TPM3: variants seen among roughly 807,000 people sequenced by gnomAD.
TPM3 encodes the protein tropomyosin alpha-3 chain.
A neutral mutation model predicts 43.1 loss-of-function variants in TPM3; 16 were observed. The ratio of observed to expected loss-of-function variants is 0.37; its 90% CI spans 0.25 to 0.56. TPM3 has a LOEUF of 0.56. Among genes scored for constraint, TPM3 ranks in the 20% least tolerant of loss-of-function variants. The pLI, the probability that TPM3 is intolerant of heterozygous loss-of-function variation, is 0.77. For missense variants in TPM3, 176 were observed against 337.2 expected, an observed-to-expected ratio of 0.52 and a Z score of 3.74; for synonymous variants, 101 against 116.9, an observed-to-expected ratio of 0.86 and a Z score of 0.88.
rs1661048793 is a variant in TPM3 at position 154,166,943 on chromosome 1, A to G, written c.*994T>C. Among the ~76,000 whole-genome samples, 1 of 152,236 alleles carries G rather than the reference A, an allele frequency of 6.6e-6. No individual in the cohort carries two copies. Among genetic ancestry groups the G allele is most frequent in the Admixed American group, 6.5e-5 (1 of 15,290 alleles). On this transcript the variant is annotated 3_prime_UTR_variant, in exon 10 of 10. Coordinates refer to ENST00000651641, the MANE Select transcript of TPM3 (RefSeq NM_152263.4). ...GGTGATCCACCTGCCCCAGCCTCCC[A>G]AAGTGCTGGGATTATAGGCGTGAGC...
chr1:154,168,591 G>A (rs571452848), intron 9 of TPM3, among the ~76,000 whole-genome samples: 3 of 151,860 alleles, frequency 2.0e-5, no homozygotes, highest in Non-Finnish European at 4.4e-5. Flanking sequence ...GCATTATCTC[G>A]GCTCACTGCA....
downstream of TPM3, among the ~76,000 whole-genome samples, chr1:154,161,051 T>C (rs1157542140): frequency 6.8e-6 from 1 of 147,866 alleles, no homozygotes; most frequent in Non-Finnish European, 1.5e-5. Flanking sequence ...GCAGGAACTA[T>C]AGGTGTGCAT....
At chr1:154,161,806 G>T (rs1277397057), downstream of TPM3, among the ~76,000 whole-genome samples, 1 of 152,098 alleles carries the variant, frequency 6.6e-6, no homozygotes, top group African/African-American at 2.4e-5. Context: ...GAAATAAAGA[G>T]ACAGAGAAGG....
intron 1 of TPM3, chr1:154,191,543 A>C: frequency 7.7e-7 from 1 of 1,302,342 alleles, no homozygotes; most frequent in Non-Finnish European, 1.0e-6. Context: ...TTCATCCAAG[A>C]CCCCTGGATG....
intron 2 of TPM3, among the ~76,000 whole-genome samples, chr1:154,176,936 G>A (rs556839265): frequency 7.1e-6 from 1 of 140,820 alleles, no homozygotes; most frequent in East Asian, 2.1e-4. Context: ...CTGAGATTGC[G>A]CCACTACACT....
chr1:154,179,156 A>G (rs1662667224), intron 2 of TPM3, among the ~76,000 whole-genome samples: 1 of 152,212 alleles, frequency 6.6e-6, no homozygotes, highest in Non-Finnish European at 1.5e-5. Context: ...CCCTGTGAGT[A>G]AAGGACTATT....
Position 154,166,566 on chromosome 1 carries a change from T to C in TPM3, c.*1371A>G. The stretch of plus-strand genomic sequence containing the variant: ...GCACCCAGCTAAAAGAAAAGCAAAT[T>C]TTAAATACATACCCTGCTGGGAAAC... On this transcript the variant is annotated 3_prime_UTR_variant, in exon 10 of 10. Transcript: ENST00000651641. The C allele has an allele frequency of 1.9e-6, 2 of 1,055,094 alleles. No individual in the cohort carries two copies. The highest frequency in any genetic ancestry group is 2.3e-6 in the Non-Finnish European group (2 of 872,926). The allele number at this position is 1,055,094 out of a possible 1,614,324, so 65.4% of individuals were successfully genotyped here. A position where few individuals can be genotyped will look rare whatever the true frequency, so the allele number is the denominator to read the frequency against.
intron 2 of TPM3, among the ~76,000 whole-genome samples, chr1:154,179,949 G>C (rs1405590283): frequency 6.6e-6 from 1 of 151,922 alleles, no homozygotes; most frequent in Non-Finnish European, 1.5e-5. Flanking sequence ...AAACAGATAA[G>C]GTGAACTGTA....
At chr1:154,174,368 GTATATA>G (rs34224787) in intron 3 of TPM3, among the ~76,000 whole-genome samples, 525 of 46,376 alleles carry the variant, frequency 0.011, 20 homozygotes, top group Middle Eastern at 0.021. Context: ...AAATATATGT[GTATATA>G]TATATATATA....
chr1:154,174,368 G>GTGTATATATATATATATATATA (rs1389219269), intron 3 of TPM3, among the ~76,000 whole-genome samples: 2 of 46,380 alleles, frequency 4.3e-5, no homozygotes, highest in African/African-American at 1.3e-4. Flanking sequence ...AAATATATGT[G>GTGTATATATATATATATATATA]TATATATATA....
rs764757176 is a variant in TPM3, at chr1:154,174,530, C to CT, written c.378-1330dup. On this transcript the variant is annotated intron_variant, in intron 3 of 9. Coordinates refer to ENST00000651641, the MANE Select transcript of TPM3 (RefSeq NM_152263.4). ...GCATGCAGCTATCCTCACTTTCTTT[C>CT]TTTTTTTTTTTTTGAGACCAAAAAA... Among the ~76,000 whole-genome samples, 865 of 135,394 alleles carry CT rather than the reference C, an allele frequency of 6.4e-3. 6 individuals are homozygous for CT. Among genetic ancestry groups the CT allele is most frequent in the Middle Eastern group, 0.022 (6 of 272 alleles). The allele number at this position is 135,394 out of a possible 152,430, so 88.8% of individuals were successfully genotyped here.
chr1:154,171,094 C>G, intron 6 of TPM3: 1 of 559,544 alleles, frequency 1.8e-6, no homozygotes, highest in South Asian at 2.1e-5. Flanking sequence ...CTCATTAGGT[C>G]TCAGAGCTGA....
chr1:154,180,981 G>C (rs1209312236), intron 2 of TPM3, among the ~76,000 whole-genome samples: 86 of 151,784 alleles, frequency 5.7e-4, no homozygotes, highest in Non-Finnish European at 8.8e-5. Flanking sequence ...ACTACTCCTA[G>C]AATGTCCATA....
intron 3 of TPM3, among the ~76,000 whole-genome samples, chr1:154,175,330 C>CAAAAAAAAA (rs34360728): frequency 1.1e-5 from 1 of 89,528 alleles, no homozygotes; most frequent in African/African-American, 4.5e-5. Context: ...GACTCTGTCT[C>CAAAAAAAAA]AAAAAAAAAA....
chr1:154,175,934 AG>A (rs1296554697), intron 3 of TPM3, among the ~76,000 whole-genome samples, 180 bp downstream of exon 3: 10 of 152,212 alleles, frequency 6.6e-5, no homozygotes, highest in Non-Finnish European at 1.3e-4. Flanking sequence ...AGCTCACTGT[AG>A]CCCCAACTTC....
intron 9 of TPM3, 101 bp downstream of exon 9, chr1:154,169,204 G>C: frequency 8.2e-7 from 1 of 1,214,596 alleles, no homozygotes; most frequent in East Asian, 2.4e-5. Context: ...GGAGATTCTA[G>C]TTTCCAAAGG....
chr1:154,172,797 T>C lies in TPM3; in HGVS notation c.566+111A>G, dbSNP rs184890351. Reference sequence around the variant, plus strand: ...AGCACTATAGATGACTCCCATTCCCTAGGCCCTGTTTAACAAGGTTGAAGG... The same window carrying C: ...AGCACTATAGATGACTCCCATTCCCCAGGCCCTGTTTAACAAGGTTGAAGG... On this transcript the variant is annotated intron_variant, in intron 5 of 9. Coordinates refer to ENST00000651641, the MANE Select transcript of TPM3 (RefSeq NM_152263.4). The C allele has an allele frequency of 4.4e-4, 609 of 1,370,806 alleles. 8 individuals carry two copies. In the East Asian group the frequency reaches 1.0e-2, roughly 22 times the overall value. 84.9% of individuals were successfully genotyped at this position (1,370,806 alleles called of 1,614,324 possible). A position where few individuals can be genotyped will look rare whatever the true frequency, so the allele number is the denominator to read the frequency against.
intron 2 of TPM3, chr1:154,183,199 C>T (rs1663177113): frequency 3.2e-6 from 5 of 1,582,424 alleles, no homozygotes; most frequent in African/African-American, 1.3e-5. Context: ...CCCTTACTTC[C>T]GCCTGCTACG....
intron 2 of TPM3, among the ~76,000 whole-genome samples, chr1:154,179,668 C>T (rs562137071): frequency 6.6e-6 from 1 of 152,298 alleles, no homozygotes; most frequent in African/African-American, 2.4e-5. Flanking sequence ...ACTGCCACCT[C>T]CGCCTCCAGG....
Sources: gnomAD v4.1 joint callset for allele counts (sites outside exome capture counted in the v4.1 genomes callset) on GRCh38, gnomAD v4.1.1 for gene constraint, MANE v1.5 for transcripts, NCBI Gene and HGNC (gene_info 2026-07-23, HGNC 2026-07-21) for gene names.